TEX26: variants seen among roughly 807,000 people sequenced by gnomAD.
TEX26 encodes the protein testis-expressed protein 26.
A neutral mutation model predicts 35.3 loss-of-function variants in TEX26; 34 were observed. The ratio of observed to expected loss-of-function variants is 0.96; its 90% confidence interval spans 0.73 to 1.28. The LOEUF is 1.28. TEX26 is among the 50% of genes most tolerant of loss of function. TEX26 has a pLI of 0.00. For synonymous variants in TEX26, 136 were observed against 111.8 expected (o/e 1.22, Z -1.36); for missense variants, 371 against 330.1 (o/e 1.12, Z -0.96).
chr13:30,969,925 G>A (rs921640635), intron 6 of TEX26, among the ~76,000 whole-genome samples: 2 of 151,912 alleles, frequency 1.3e-5, no homozygotes, highest in African/African-American at 4.8e-5. Flanking sequence ...AGGCTATCTG[G>A]GGGCTACTAA....
At chr13:30,933,784 C>G (rs947665223) in intron 1 of TEX26, 4 of 152,140 alleles carry the variant, frequency 2.6e-5, no homozygotes, top group African/African-American at 9.7e-5. Flanking sequence ...CCTTTGGATG[C>G]TTCTCTTCCC....
At chr13:30,969,199 C>A (rs1015632030) in intron 6 of TEX26, among the ~76,000 whole-genome samples, 153 bp downstream of exon 6, 13 of 150,394 alleles carry the variant, frequency 8.6e-5, no homozygotes, top group Admixed American at 8.6e-4. Context: ...GTTGTGCAAA[C>A]CTCAATCCAC....
At chr13:30,948,135 A>G (rs1953783615) in intron 2 of TEX26, among the ~76,000 whole-genome samples, 1 of 152,146 alleles carries the variant, frequency 6.6e-6, no homozygotes, top group African/African-American at 2.4e-5. Context: ...AATCCAGTCT[A>G]TCATTGTGGG....
In TEX26 at chr13:30,952,753, A is replaced by T; in HGVS notation, c.240A>T (p.Ser80=). ...TQYSDEYTWK[S]HSKEDLIKTE... is the part of the protein sequence containing the mutation. ...ATAGTGATGAGTACACTTGGAAATCACACTCTAAAGAAGATTTGATCAAAA... is the reference window on the plus strand; with the variant it reads ...ATAGTGATGAGTACACTTGGAAATCTCACTCTAAAGAAGATTTGATCAAAA... The change falls in exon 3 of 7, where the codon TCA becomes TCT. Residue 80 remains serine, a synonymous_variant. Transcript: ENST00000380473. 6.2e-7 allele frequency: 1 copy of T among 1,613,168 alleles called. No individual in the cohort carries two copies. The highest frequency in any genetic ancestry group is 1.1e-5 in the South Asian group (1 of 90,926).
chr13:30,937,710 T>C (rs904565561), intron 1 of TEX26, among the ~76,000 whole-genome samples: 4 of 152,202 alleles, frequency 2.6e-5, no homozygotes, highest in African/African-American at 9.7e-5. Flanking sequence ...TAGGAGTGCA[T>C]AGAAGCACAG....
intron 2 of TEX26, among the ~76,000 whole-genome samples, chr13:30,947,794 T>C (rs1201120998): frequency 2.0e-5 from 3 of 152,122 alleles, no homozygotes; most frequent in Non-Finnish European, 4.4e-5. Flanking sequence ...AATGTACAGG[T>C]TTGCTACATA....
At chr13:30,934,145 A>G (rs1315874449) in intron 1 of TEX26, among the ~76,000 whole-genome samples, 3 of 152,180 alleles carry the variant, frequency 2.0e-5, no homozygotes, top group African/African-American at 7.2e-5. Flanking sequence ...TGCTCAATTT[A>G]GAAGGGAAGG....
At chr13:30,953,233 G>A (rs1237496775) in intron 3 of TEX26, among the ~76,000 whole-genome samples, 2 of 152,036 alleles carry the variant, frequency 1.3e-5, no homozygotes, top group South Asian at 2.1e-4. Flanking sequence ...TGCTTTCTAT[G>A]TCCGTGGATT....
chr13:30,954,311 CACACACACATAT>C lies in TEX26; in HGVS notation c.312+1488_312+1499del, dbSNP rs1445758932. On this transcript the variant is annotated intron_variant, in intron 3 of 6. Coordinates refer to ENST00000380473, the MANE Select transcript of TEX26 (RefSeq NM_152325.3). ...ACACACACACACACACACACACACA[CACACACACATAT>C]ATGTATGTATATATCTCTTGGAGAT... is the stretch of plus-strand genomic sequence containing the variant. 2.8e-5 allele frequency among the ~76,000 whole-genome samples: 4 copies of C among 145,010 alleles called. No individual in the cohort carries two copies. In the East Asian group the frequency reaches 7.9e-4, roughly 29 times the overall value.
intron 2 of TEX26, among the ~76,000 whole-genome samples, chr13:30,950,864 C>T (rs1341478354): frequency 1.3e-5 from 2 of 152,196 alleles, no homozygotes; most frequent in East Asian, 1.9e-4. Context: ...GCTTATTCCT[C>T]GAGACAATGC....
chr13:30,934,568 T>C (rs912039273), intron 1 of TEX26, among the ~76,000 whole-genome samples: 2 of 152,168 alleles, frequency 1.3e-5, no homozygotes, highest in African/African-American at 4.8e-5. Context: ...CTACAGGCCC[T>C]AGGGGAGAAG....
intron 2 of TEX26, among the ~76,000 whole-genome samples, chr13:30,946,742 G>A (rs1019263753): frequency 2.0e-5 from 3 of 151,942 alleles, no homozygotes; most frequent in African/African-American, 7.2e-5. Flanking sequence ...GTCTTTGTAT[G>A]ATGGCTTTGT....
intron 2 of TEX26, among the ~76,000 whole-genome samples, chr13:30,940,083 C>T (rs924141002): frequency 5.3e-5 from 8 of 152,096 alleles, no homozygotes; most frequent in East Asian, 1.9e-4. Context: ...TAAACATTCA[C>T]GTGACTTGAA....
intron 2 of TEX26, among the ~76,000 whole-genome samples, chr13:30,950,508 C>T (rs1953880292): frequency 1.3e-5 from 2 of 152,246 alleles, no homozygotes; most frequent in South Asian, 4.1e-4. Flanking sequence ...ATGATAAATG[C>T]CTATCTTTAA....
At chr13:30,969,719 C>T (rs888660468) in intron 6 of TEX26, among the ~76,000 whole-genome samples, 1 of 152,086 alleles carries the variant, frequency 6.6e-6, no homozygotes, top group Non-Finnish European at 1.5e-5. Context: ...CCCTATTCCC[C>T]CTCATTTGTG....
In TEX26 at chr13:30,953,038, A is replaced by G. The variant is rs573331870; in HGVS notation, c.312+213A>G. ...AGTTTTTTTTAAAAAAGGACTTTTT[A>G]AAAATTGAAGTGAAATTTACGTAAT... On this transcript the variant is annotated intron_variant, in intron 3 of 6. Transcript: ENST00000380473. Among the ~76,000 whole-genome samples, 3 of 152,320 alleles carry G rather than the reference A, an allele frequency of 2.0e-5. No homozygotes were observed. In the East Asian group the frequency reaches 5.8e-4, roughly 29 times the overall value.
At chr13:30,954,109 G>A (rs902071309) in intron 3 of TEX26, among the ~76,000 whole-genome samples, 9 of 152,090 alleles carry the variant, frequency 5.9e-5, no homozygotes, top group African/African-American at 2.2e-4. Flanking sequence ...TGTCCAACAG[G>A]CAGTTTAATA....
intron 5 of TEX26, among the ~76,000 whole-genome samples, chr13:30,967,272 C>A (rs1954570671): frequency 6.6e-6 from 1 of 152,144 alleles, no homozygotes; most frequent in African/African-American, 2.4e-5. Context: ...TGATGCTTAG[C>A]ACCTTGGGGT....
chr13:30,974,932 A>G lies in TEX26; in HGVS notation c.*25A>G. On this transcript the variant is annotated 3_prime_UTR_variant, in exon 7 of 7. Coordinates refer to ENST00000380473, the MANE Select transcript of TEX26 (RefSeq NM_152325.3). ...AAAAGGGAAAATAGTACAAATGAAGAAAATCTGAAAATCAATGGAAGCACG... is the reference window on the plus strand; with the variant it reads ...AAAAGGGAAAATAGTACAAATGAAGGAAATCTGAAAATCAATGGAAGCACG... 1 of 1,463,466 alleles carries G rather than the reference A, an allele frequency of 6.8e-7. No homozygotes were observed. The highest frequency in any genetic ancestry group is 9.2e-7 in the Non-Finnish European group (1 of 1,082,242). The allele number at this position is 1,463,466 out of a possible 1,614,324, so 90.7% of individuals were successfully genotyped here. A position where few individuals can be genotyped will look rare whatever the true frequency, so the allele number is the denominator to read the frequency against.
Sources: gnomAD v4.1 joint callset for allele counts (sites outside exome capture counted in the v4.1 genomes callset) on GRCh38, gnomAD v4.1.1 for gene constraint, MANE v1.5 for transcripts, NCBI Gene and HGNC (gene_info 2026-07-23, HGNC 2026-07-21) for gene names.